The following NR3C1 variants were observed in gnomAD, a reference collection of about 807,000 sequenced individuals.
NR3C1 encodes nuclear receptor subfamily 3 group C member 1.
NR3C1 carries 14 observed loss-of-function variants against 74.0 expected under a neutral mutation model. That is an observed-to-expected ratio of 0.19 (90% CI 0.12 to 0.30). The LOEUF (loss-of-function observed/expected upper bound fraction) is 0.30. NR3C1 is among the 10% of genes least tolerant of loss of function. The probability of loss-of-function intolerance (pLI) is 1.00; values close to 1 mark genes in which losing one functional copy is unlikely to be tolerated. For synonymous variants in NR3C1, 308 were observed against 332.5 expected, an observed-to-expected ratio of 0.93 and a Z score of 0.80; for missense variants, 695 against 909.8, an observed-to-expected ratio of 0.76 and a Z score of 3.04.
chr5:143,397,158 G>A (rs1204368353), intron 2 of NR3C1, among the ~76,000 whole-genome samples: 4 of 151,726 alleles, frequency 2.6e-5, no homozygotes, highest in African/African-American at 7.3e-5. Flanking sequence ...CACCCCCAGA[G>A]AATAAAGTGA....
In NR3C1 at chr5:143,400,621, C is replaced by A. The variant is rs1487800768; in HGVS notation, c.219G>T (p.Ala73=). The change falls in exon 2 of 9, where the codon GCG becomes GCT. Residue 73 remains alanine, a synonymous_variant. Transcript: ENST00000394464. ...CTGCTTTGGACAGATCTGGCTGCTG[C>A]GCATTGCTTACTGAGCCTTTTGGAA... ...VDFPKGSVSN[A]QQPDLSKAVS... 1 of 1,614,210 alleles carries A rather than the reference C, an allele frequency of 6.2e-7. No individual in the cohort carries two copies. The highest frequency in any genetic ancestry group is 1.3e-5 in the African/African-American group (1 of 75,040).
At chr5:143,375,453 T>C (rs1003819823) in intron 2 of NR3C1, among the ~76,000 whole-genome samples, 4 of 152,210 alleles carry the variant, frequency 2.6e-5, no homozygotes, top group African/African-American at 4.8e-5. Flanking sequence ...AAATATATTA[T>C]GGTATACCCA....
intron 1 of NR3C1, among the ~76,000 whole-genome samples, chr5:143,418,841 G>A (rs1751062061): frequency 6.6e-6 from 1 of 152,172 alleles, no homozygotes; most frequent in African/African-American, 2.4e-5. Context: ...TCCAGACTCT[G>A]ACACTCCAAG....
At chr5:143,350,777 C>A (rs550614903) in intron 2 of NR3C1, among the ~76,000 whole-genome samples, 13 of 152,216 alleles carry the variant, frequency 8.5e-5, no homozygotes, top group African/African-American at 3.1e-4. Context: ...GAAGAACTTG[C>A]CAAGAGGCTA....
In NR3C1 at chr5:143,300,357, C is replaced by A; in HGVS notation, c.1747+128G>T. ...TCACCTGTATTCACCTGACTCTCCC[C>A]TTCATAGTCCCCAGAACTAAGAGAA... On this transcript the variant is annotated intron_variant, in intron 5 of 8. Transcript: ENST00000394464. The surrounding 1 kb of genome is among the most constrained non-coding windows in gnomAD (Gnocchi z 5.2). 1.8e-6 allele frequency: 2 copies of A among 1,141,326 alleles called. No homozygotes were observed. Among genetic ancestry groups the A allele is most frequent in the Non-Finnish European group, 2.6e-6 (2 of 763,214 alleles). The allele number at this position is 1,141,326 out of a possible 1,614,324, so 70.7% of individuals were successfully genotyped here. A position where few individuals can be genotyped will look rare whatever the true frequency, so the allele number is the denominator to read the frequency against.
chr5:143,375,146 A>T (rs1367564465), intron 2 of NR3C1, among the ~76,000 whole-genome samples: 1 of 152,196 alleles, frequency 6.6e-6, no homozygotes, highest in Admixed American at 6.5e-5. Flanking sequence ...CCTATTTTTA[A>T]ATGGAAGTTT....
intron 1 of NR3C1, 124 bp downstream of exon 1, chr5:143,403,087 A>G (rs1168013626): frequency 8.8e-6 from 2 of 226,182 alleles, no homozygotes; most frequent in Non-Finnish European, 1.1e-5. Context: ...CCAGCCCCCC[A>G]CCCCCACTCC....
chr5:143,405,050 T>G, upstream of NR3C1: 2 of 891,188 alleles, frequency 2.2e-6, no homozygotes, highest in Non-Finnish European at 2.7e-6. Context: ...GAGAGGGCCG[T>G]GGGGCGAGGG....
chr5:143,384,253 CAT>C (rs1369742024), intron 2 of NR3C1, among the ~76,000 whole-genome samples: 6 of 152,180 alleles, frequency 3.9e-5, no homozygotes, highest in South Asian at 2.1e-4. Context: ...CCTCCCCTGA[CAT>C]GTGGGGATTA....
chr5:143,397,491 A>G (rs1302976080), intron 2 of NR3C1, among the ~76,000 whole-genome samples: 1 of 151,934 alleles, frequency 6.6e-6, no homozygotes, highest in Non-Finnish European at 1.5e-5. Context: ...TAAAAGAAAC[A>G]CTGTTTCAAT....
intron 2 of NR3C1, among the ~76,000 whole-genome samples, chr5:143,314,494 C>T (rs1310786979): frequency 1.4e-5 from 2 of 148,012 alleles, no homozygotes; most frequent in African/African-American, 5.0e-5. Flanking sequence ...CATACAGTAA[C>T]ATTTACTGTT....
rs371034256 is a variant in NR3C1 at position 143,400,634 on chromosome 5, G to C, written c.206C>G (p.Ser69Ter). 6.2e-7 allele frequency: 1 copy of C among 1,613,956 alleles called. No homozygotes were observed. The highest frequency in any genetic ancestry group is 8.5e-7 in the Non-Finnish European group (1 of 1,179,928). Residue 69 changes from serine to a stop codon, truncating the protein, a stop_gained, in exon 2 of 9, where the codon TCA (serine) becomes TGA (stop). Transcript: ENST00000394464. LOFTEE classifies it high-confidence loss of function. Reference protein sequence around the residue: ...RRLLVDFPKGSVSNAQQPDLS... With the variant: ...RRLLVDFPKG ...ATCTGGCTGCTGCGCATTGCTTACT[G>C]AGCCTTTTGGAAAATCAACCAAAAG... is the stretch of plus-strand genomic sequence containing the variant.
chr5:143,302,627 T>G (rs1405481972), intron 4 of NR3C1, among the ~76,000 whole-genome samples: 1 of 152,128 alleles, frequency 6.6e-6, no homozygotes, highest in Non-Finnish European at 1.5e-5. Context: ...ATGACTCAGT[T>G]TGTAATTAAT....
chr5:143,352,474 T>A (rs1385514993), intron 2 of NR3C1, among the ~76,000 whole-genome samples: 12 of 152,222 alleles, frequency 7.9e-5, no homozygotes, highest in Admixed American at 7.8e-4. Context: ...AACATTTTCA[T>A]CCATATTACT....
rs749039482 is a variant in NR3C1, at chr5:143,399,703, C to G, written c.1137G>C (p.Gly379=). Residue 379 remains glycine, a synonymous_variant, in exon 2 of 9, where the codon GGG becomes GGC. Coordinates refer to ENST00000394464, the MANE Select transcript of NR3C1 (RefSeq NM_000176.3). ...GSGDDNLTSL[G]TLNFPGRTVF... ...CTGTTCGACCAGGGAAGTTCAGAGT[C>G]CCCAGAGAAGTCAAGTTGTCATCTC... 1 of 1,613,994 alleles carries G rather than the reference C, an allele frequency of 6.2e-7. No individual in the cohort carries two copies. The highest frequency in any genetic ancestry group is 1.3e-5 in the African/African-American group (1 of 74,902).
intron 2 of NR3C1, among the ~76,000 whole-genome samples, chr5:143,395,121 A>C (rs1053900964): frequency 2.1e-4 from 32 of 152,122 alleles, no homozygotes; most frequent in African/African-American, 7.5e-4. Context: ...TCACCATCAC[A>C]AGTCACACCC....
chr5:143,420,815 G>A (rs1052906493), intron 1 of NR3C1, among the ~76,000 whole-genome samples: 3 of 152,046 alleles, frequency 2.0e-5, no homozygotes, highest in East Asian at 1.9e-4. Flanking sequence ...TGGGAAACAC[G>A]GTAAAACCAT....
intron 2 of NR3C1, among the ~76,000 whole-genome samples, chr5:143,350,378 C>T (rs1322073203): frequency 6.6e-6 from 1 of 151,948 alleles, no homozygotes; most frequent in Non-Finnish European, 1.5e-5. Context: ...ATCTATGAGG[C>T]CTAATGACTG....
chr5:143,321,350 A>C (rs1458381840), intron 2 of NR3C1, among the ~76,000 whole-genome samples: 1 of 152,216 alleles, frequency 6.6e-6, no homozygotes, highest in African/African-American at 2.4e-5. Context: ...AGATTTTGCC[A>C]ATTCTAACCC....
Sources: gnomAD v4.1 joint callset for allele counts (sites outside exome capture counted in the v4.1 genomes callset) on GRCh38, gnomAD v4.1.1 for gene constraint, Gnocchi (gnomAD v3.1) non-coding constraint, MANE v1.5 for transcripts, NCBI Gene and HGNC (gene_info 2026-07-23, HGNC 2026-07-21) for gene names.